SNX29: variants seen among roughly 807,000 people sequenced by gnomAD.
The protein encoded by SNX29 is sorting nexin-29.
Under a neutral mutation model 102.1 loss-of-function variants are expected in SNX29, and 78 were observed. The ratio of observed to expected loss-of-function variants is 0.76; its 90% CI spans 0.64 to 0.92. The LOEUF is 0.92. SNX29 is among the 40% of genes least tolerant of loss of function. SNX29 has a pLI of 0.00. For synonymous variants in SNX29, 580 were observed against 414.5 expected, an observed-to-expected ratio of 1.40 and a Z score of -4.85; for missense variants, 1,280 against 1,061.7, an observed-to-expected ratio of 1.21 and a Z score of -2.86.
At chr16:12,535,615 C>G (rs1415875779) in intron 20 of SNX29, among the ~76,000 whole-genome samples, 1 of 147,086 alleles carries the variant, frequency 6.8e-6, no homozygotes, top group African/African-American at 2.7e-5. Flanking sequence ...TTGTCACTGT[C>G]AGTCACACCA....
At position 12,437,582 on chromosome 16, in the gene SNX29, G is replaced by A. The variant is rs145782916; in HGVS notation, c.2037+34053G>A. Among the ~76,000 whole-genome samples, 183 of 152,250 alleles carry A rather than the reference G, an allele frequency of 1.2e-3. No homozygotes were observed. The East Asian group carries it at 0.02, about 17-fold the overall frequency. On this transcript the variant is annotated intron_variant, in intron 18 of 20. Transcript: ENST00000566228. ...AGGTAGACAACATCTCTGTCTCCCCGAATTGCTGGTTAGCTGTTCTGAGTC... is the reference window on the plus strand; with the variant it reads ...AGGTAGACAACATCTCTGTCTCCCCAAATTGCTGGTTAGCTGTTCTGAGTC...
intron 20 of SNX29, among the ~76,000 whole-genome samples, chr16:12,538,245 A>C (rs1410670133): frequency 1.3e-5 from 2 of 152,018 alleles, no homozygotes; most frequent in African/African-American, 2.4e-5. Flanking sequence ...TCTCCCTAGT[A>C]GCTGGGATTA....
At chr16:12,068,342 G>C (rs1229483414) in intron 9 of SNX29, among the ~76,000 whole-genome samples, 2 of 151,762 alleles carry the variant, frequency 1.3e-5, no homozygotes, top group African/African-American at 2.4e-5. Context: ...AAATTAGCTC[G>C]GCATGGTGGC....
intron 13 of SNX29, among the ~76,000 whole-genome samples, chr16:12,194,728 G>C (rs1172306302): frequency 6.7e-6 from 1 of 150,054 alleles, no homozygotes; most frequent in African/African-American, 2.4e-5. Context: ...CCAGGTTCAA[G>C]CAATTCTTGT....
intron 20 of SNX29, among the ~76,000 whole-genome samples, chr16:12,545,321 CAGAG>C (rs1427091142): frequency 6.7e-6 from 1 of 149,128 alleles, no homozygotes; most frequent in African/African-American, 2.4e-5. Context: ...TCGCATCCAC[CAGAG>C]AAAGGGTGTC....
chr16:12,464,383 A>G (rs2086957183), intron 18 of SNX29, among the ~76,000 whole-genome samples: 2 of 152,172 alleles, frequency 1.3e-5, no homozygotes, highest in Admixed American at 1.3e-4. Flanking sequence ...ACTGCAGTGA[A>G]TATGCGGGTC....
intron 13 of SNX29, among the ~76,000 whole-genome samples, chr16:12,170,749 T>G (rs2076129873): frequency 7.4e-6 from 1 of 134,410 alleles, no homozygotes; most frequent in Non-Finnish European, 1.5e-5. Context: ...AGTGAGTGAG[T>G]GTGTGTGTGT....
At chr16:12,286,487 AG>A (rs2079602656) in intron 15 of SNX29, among the ~76,000 whole-genome samples, 1 of 151,596 alleles carries the variant, frequency 6.6e-6, no homozygotes, top group Non-Finnish European at 1.5e-5. Context: ...CTGGGACTAC[AG>A]GCCCCACCAC....
intron 20 of SNX29, among the ~76,000 whole-genome samples, chr16:12,543,685 G>A (rs929509038): frequency 1.3e-5 from 2 of 152,242 alleles, no homozygotes; most frequent in African/African-American, 4.8e-5. Context: ...CAACAAGCCA[G>A]TCGTATCAGA....
rs1202405937 is a variant in SNX29 at position 12,571,742 on chromosome 16, C to G, written c.*3113C>G. Reference sequence around the variant, plus strand: ...AGCTTAAAGGCTGCTAGAAACCTAGCCCAACCATCCACTCCTGATCTGAGA... The same window carrying G: ...AGCTTAAAGGCTGCTAGAAACCTAGGCCAACCATCCACTCCTGATCTGAGA... On this transcript the variant is annotated 3_prime_UTR_variant, in exon 21 of 21. Coordinates refer to ENST00000566228, the MANE Select transcript of SNX29 (RefSeq NM_032167.5). 12 of 1,026,594 alleles carry G rather than the reference C, an allele frequency of 1.2e-5. No individual in the cohort carries two copies. The highest frequency in any genetic ancestry group is 1.2e-5 in the Non-Finnish European group (10 of 845,240). The allele number at this position is 1,026,594 out of a possible 1,614,324, so 63.6% of individuals were successfully genotyped here.
At chr16:12,316,291 G>C (rs896593819) in intron 15 of SNX29, among the ~76,000 whole-genome samples, 2 of 152,242 alleles carry the variant, frequency 1.3e-5, no homozygotes, top group East Asian at 1.9e-4. Flanking sequence ...GGGAGGCCAG[G>C]GTGGGTGGAT....
At chr16:11,991,850 G>T (rs538905408) in intron 1 of SNX29, among the ~76,000 whole-genome samples, 16 of 151,466 alleles carry the variant, frequency 1.1e-4, no homozygotes, top group Admixed American at 9.2e-4. Context: ...ACCTCACCCA[G>T]CTGGGAGTAG....
chr16:12,080,748 A>G (rs536845814), intron 11 of SNX29, among the ~76,000 whole-genome samples: 4 of 147,468 alleles, frequency 2.7e-5, no homozygotes, highest in African/African-American at 5.1e-5. Context: ...CTGGAGTGCA[A>G]TGGCACGATC....
intron 13 of SNX29, among the ~76,000 whole-genome samples, chr16:12,181,015 C>T (rs888219893): frequency 4.6e-5 from 7 of 152,204 alleles, no homozygotes; most frequent in African/African-American, 1.7e-4. Context: ...TTTTCCCTCA[C>T]TGCAGGGCCC....
chr16:12,251,986 C>G (rs1461837715), intron 14 of SNX29, among the ~76,000 whole-genome samples: 1 of 152,080 alleles, frequency 6.6e-6, no homozygotes, highest in South Asian at 2.1e-4. Flanking sequence ...GTGTCGAACT[C>G]CTGGCCTCAA....
At chr16:12,357,161 C>G (rs2082158480) in intron 16 of SNX29, among the ~76,000 whole-genome samples, 6 of 152,164 alleles carry the variant, frequency 3.9e-5, no homozygotes, top group Admixed American at 3.3e-4. Context: ...ATGTAAAATG[C>G]CCACATTCAG....
chr16:12,160,623 ATCTCT>A (rs1227909764), intron 13 of SNX29, among the ~76,000 whole-genome samples: 2 of 152,180 alleles, frequency 1.3e-5, no homozygotes, highest in African/African-American at 4.8e-5. Context: ...GATGAAAATG[ATCTCT>A]TCATAGAATT....
intron 19 of SNX29, among the ~76,000 whole-genome samples, chr16:12,478,127 G>A (rs1198284993): frequency 6.6e-6 from 1 of 152,208 alleles, no homozygotes; most frequent in East Asian, 1.9e-4. Context: ...GAGTAAATAT[G>A]TTTGGCTTTG....
At chr16:12,057,147 T>C (rs1004446216) in intron 8 of SNX29, among the ~76,000 whole-genome samples, 1 of 152,214 alleles carries the variant, frequency 6.6e-6, no homozygotes, top group Admixed American at 6.5e-5. Context: ...TTATATGTGC[T>C]CTATGATACC....
Sources: gnomAD v4.1 joint callset for allele counts (sites outside exome capture counted in the v4.1 genomes callset) on GRCh38, gnomAD v4.1.1 for gene constraint, MANE v1.5 for transcripts, NCBI Gene and HGNC (gene_info 2026-07-23, HGNC 2026-07-21) for gene names.